The following CNTLN variants were observed in gnomAD, a reference collection of about 807,000 sequenced individuals.
CNTLN encodes the protein centlein, also known as centlein, centrosomal protein.
Under a neutral mutation model 180.0 loss-of-function variants are expected in CNTLN, and 212 were observed. That is an observed-to-expected ratio of 1.18 (90% CI 1.05 to 1.32). The LOEUF is 1.32. CNTLN is among the 40% of genes most tolerant of loss of function. CNTLN has a pLI of 0.00. For missense variants in CNTLN, 2,095 were observed against 1,610.9 expected (o/e 1.30, Z -5.14); for synonymous variants, 722 against 563.1 (o/e 1.28, Z -3.99).
At chr9:17,419,585 C>T (rs1434122070) in intron 18 of CNTLN, among the ~76,000 whole-genome samples, 1 of 152,050 alleles carries the variant, frequency 6.6e-6, no homozygotes, top group Non-Finnish European at 1.5e-5. Context: ...TATTTTCTCA[C>T]ACTAGGCATT....
At chr9:17,262,517 T>G (rs1827072575) in intron 5 of CNTLN, among the ~76,000 whole-genome samples, 1 of 151,352 alleles carries the variant, frequency 6.6e-6, no homozygotes, top group South Asian at 2.1e-4. Flanking sequence ...AAGTGGGAGT[T>G]GAACAATGAG....
At chr9:17,426,025 A>G (rs1829061473) in intron 18 of CNTLN, among the ~76,000 whole-genome samples, 1 of 152,186 alleles carries the variant, frequency 6.6e-6, no homozygotes, top group African/African-American at 2.4e-5. Flanking sequence ...CTGTACAATC[A>G]TTTGATGAGG....
intron 2 of CNTLN, among the ~76,000 whole-genome samples, chr9:17,205,820 G>C (rs943632399): frequency 6.6e-5 from 10 of 152,194 alleles, no homozygotes; most frequent in African/African-American, 1.9e-4. Context: ...TGTTGATGCT[G>C]ATGGATCTCT....
At chr9:17,299,628 T>G in intron 7 of CNTLN, 1 of 985,422 alleles carries the variant, frequency 1.0e-6, no homozygotes, top group South Asian at 4.7e-5. Flanking sequence ...AGATACAGTC[T>G]TCCACTTCAG....
intron 3 of CNTLN, among the ~76,000 whole-genome samples, chr9:17,228,671 C>T (rs556981398): frequency 3.3e-5 from 5 of 152,182 alleles, no homozygotes; most frequent in Non-Finnish European, 5.9e-5. Context: ...TAGTCTCATA[C>T]AGACGACTGT....
At chr9:17,207,430 G>A (rs535000661) in intron 2 of CNTLN, among the ~76,000 whole-genome samples, 55 of 152,270 alleles carry the variant, frequency 3.6e-4, no homozygotes, top group African/African-American at 1.1e-3. Context: ...CTAGCTCGGT[G>A]TCTGCCCAAA....
At chr9:17,490,457 G>T (rs1306203179) in intron 25 of CNTLN, among the ~76,000 whole-genome samples, 1 of 152,086 alleles carries the variant, frequency 6.6e-6, no homozygotes, top group Non-Finnish European at 1.5e-5. Flanking sequence ...AGGTAAGGCA[G>T]TTTTAGTTAA....
At chr9:17,169,376 C>T (rs1820284864) in intron 2 of CNTLN, among the ~76,000 whole-genome samples, 1 of 152,120 alleles carries the variant, frequency 6.6e-6, no homozygotes, top group African/African-American at 2.4e-5. Flanking sequence ...TTGATTGCTC[C>T]AGATATCCTT....
intron 5 of CNTLN, among the ~76,000 whole-genome samples, chr9:17,270,603 A>G (rs1827861044): frequency 6.6e-6 from 1 of 152,158 alleles, no homozygotes; most frequent in Non-Finnish European, 1.5e-5. Flanking sequence ...AGGTCATTTC[A>G]TAAAATGAGT....
At chr9:17,202,911 A>AGTTTATTTTG (rs1822650798) in intron 2 of CNTLN, among the ~76,000 whole-genome samples, 1 of 151,932 alleles carries the variant, frequency 6.6e-6, no homozygotes, top group Non-Finnish European at 1.5e-5. Flanking sequence ...GCATTAGGTG[A>AGTTTATTTTG]TGCAGTTTCT....
intron 23 of CNTLN, among the ~76,000 whole-genome samples, chr9:17,478,557 C>G (rs1832475818): frequency 6.9e-6 from 1 of 144,088 alleles, no homozygotes; most frequent in Non-Finnish European, 1.5e-5. Context: ...TGGCGTCTCA[C>G]TCTGTTTCCC....
chr9:17,497,106 T>A (rs1276044728), intron 25 of CNTLN, among the ~76,000 whole-genome samples: 3 of 152,168 alleles, frequency 2.0e-5, no homozygotes, highest in African/African-American at 7.2e-5. Context: ...TTCCTTTTTG[T>A]GCTGGTATCA....
rs532173743 is a variant in CNTLN, at chr9:17,366,405, A to C, written c.1887-212A>C. Among the ~76,000 whole-genome samples, 5 of 152,250 alleles carry C rather than the reference A, an allele frequency of 3.3e-5. No individual in the cohort carries two copies. In the South Asian group the frequency reaches 1.0e-3, roughly 32 times the overall value. On this transcript the variant is annotated intron_variant, in intron 12 of 25. Coordinates refer to ENST00000380647, the MANE Select transcript of CNTLN (RefSeq NM_017738.4). ...GTGATCCCCTTGCCTTGGCTTTCTA[A>C]AATGCTGGAATTGTAGGTATGAGCC...
chr9:17,419,881 TAAA>T (rs1655842006), intron 18 of CNTLN, among the ~76,000 whole-genome samples: 1 of 152,238 alleles, frequency 6.6e-6, no homozygotes, highest in African/African-American at 2.4e-5. Context: ...TGTACATTGA[TAAA>T]TAATATACAG....
At chr9:17,399,401 C>G (rs1200350967) in intron 15 of CNTLN, among the ~76,000 whole-genome samples, 2 of 152,206 alleles carry the variant, frequency 1.3e-5, no homozygotes, top group Non-Finnish European at 2.9e-5. Context: ...TTCTCAAACA[C>G]AACATAAACT....
the CNTLN span, among the ~76,000 whole-genome samples, chr9:17,513,527 C>G: frequency 6.6e-6 from 1 of 151,986 alleles, no homozygotes; most frequent in African/African-American, 2.4e-5. Flanking sequence ...GAAACCCCTT[C>G]TGTACAAAAA....
chr9:17,268,510 C>G (rs890852836), intron 5 of CNTLN, among the ~76,000 whole-genome samples: 2 of 152,186 alleles, frequency 1.3e-5, no homozygotes, highest in Non-Finnish European at 2.9e-5. Flanking sequence ...AGGAGGCAGT[C>G]TGCCCGTTCT....
chr9:17,266,591 C>G (rs1587410833), intron 5 of CNTLN, among the ~76,000 whole-genome samples: 2 of 151,956 alleles, frequency 1.3e-5, no homozygotes, highest in Admixed American at 1.3e-4. Context: ...CCTGGGTATC[C>G]TTGTTAACTT....
chr9:17,309,307 C>A, intron 8 of CNTLN, 55 bp downstream of exon 8: 1 of 1,318,616 alleles, frequency 7.6e-7, no homozygotes, highest in Non-Finnish European at 1.0e-6. Flanking sequence ...GAAATCATCT[C>A]CTACAATTGA....
Sources: gnomAD v4.1 joint callset for allele counts (sites outside exome capture counted in the v4.1 genomes callset) on GRCh38, gnomAD v4.1.1 for gene constraint, MANE v1.5 for transcripts, NCBI Gene and HGNC (gene_info 2026-07-23, HGNC 2026-07-21) for gene names.